The following RABEP1 variants were observed in gnomAD, a reference collection of about 807,000 sequenced individuals.
RABEP1 encodes rabaptin, RAB GTPase binding effector protein 1, also known as rab GTPase-binding effector protein 1.
Under a neutral mutation model 123.4 loss-of-function variants are expected in RABEP1, and 51 were observed. That is an observed-to-expected ratio of 0.41 (90% CI 0.33 to 0.52). RABEP1 has a LOEUF of 0.52. Among genes scored for constraint, RABEP1 ranks in the 20% least tolerant of loss-of-function variants. The pLI is 0.16. For missense variants in RABEP1, 888 were observed against 996.3 expected (o/e 0.89, Z 1.46); for synonymous variants, 347 against 355.2 (o/e 0.98, Z 0.26).
intron 1 of RABEP1, among the ~76,000 whole-genome samples, chr17:5,306,840 A>C (rs1178979423): frequency 6.6e-6 from 1 of 152,166 alleles, no homozygotes; most frequent in African/African-American, 2.4e-5. Context: ...GTTATAGTAA[A>C]ATGTTGTATA....
chr17:5,351,079 A>AC (rs1908505654), intron 7 of RABEP1, among the ~76,000 whole-genome samples: 1 of 152,154 alleles, frequency 6.6e-6, no homozygotes, highest in South Asian at 2.1e-4. Flanking sequence ...GCGTCAGTGT[A>AC]TTTTGTGTGT....
rs3744710 is a variant in RABEP1, at chr17:5,361,644, G to C, written c.1532G>C (p.Ser511Thr). ...TCCCCTAGTGGTTATCGTTTAGTTAGTGAAACAGAATGGAATCTCTTGCAG... is the reference window on the plus strand; with the variant it reads ...TCCCCTAGTGGTTATCGTTTAGTTACTGAAACAGAATGGAATCTCTTGCAG... ...YVSPSGYRLV[S>T]ETEWNLLQKE... Residue 511 changes from serine (S) to threonine (T), a missense_variant, in exon 9 of 18, where the codon AGT becomes ACT. Transcript: ENST00000537505. 3.7e-6 allele frequency: 6 copies of C among 1,609,268 alleles called. No individual in the cohort carries two copies. In the East Asian group the frequency reaches 1.3e-4, roughly 36 times the overall value.
At chr17:5,344,319 TC>T (rs138104830) in intron 5 of RABEP1, among the ~76,000 whole-genome samples, 38,071 of 151,704 alleles carry the variant, frequency 0.25, 5,043 homozygotes, top group African/African-American at 0.32. Context: ...ACGCCTATAA[TC>T]CCAGCTACTT....
chr17:5,382,519 T>C (rs1472270714), intron 17 of RABEP1, among the ~76,000 whole-genome samples: 3 of 150,404 alleles, frequency 2.0e-5, no homozygotes, highest in African/African-American at 7.3e-5. Flanking sequence ...GAGGCTGACA[T>C]GGATGGATTA....
intron 2 of RABEP1, among the ~76,000 whole-genome samples, chr17:5,331,135 C>G (rs533120541): frequency 2.8e-4 from 40 of 140,482 alleles, no homozygotes; most frequent in African/African-American, 1.0e-3. Context: ...AATGCTCTTA[C>G]AGATCAGAAG....
At chr17:5,376,406 A>G (rs1308106736) in intron 13 of RABEP1, among the ~76,000 whole-genome samples, 1 of 152,226 alleles carries the variant, frequency 6.6e-6, no homozygotes, top group Non-Finnish European at 1.5e-5. Flanking sequence ...GACCTGCTTC[A>G]GCAATAAATC....
chr17:5,381,299 G>A, intron 16 of RABEP1, 90 bp from the exon 17 acceptor site: 1 of 1,540,898 alleles, frequency 6.5e-7, no homozygotes, highest in South Asian at 1.3e-5. Context: ...CCACCTTTCT[G>A]CCCTAGTAGT....
rs1169824542 is a variant in RABEP1 at position 5,381,101 on chromosome 17, GT to G, written c.2371-284del. On this transcript the variant is annotated intron_variant, in intron 16 of 17. Transcript: ENST00000537505. ...GTGACAGACACCGATCTTAGCAGCT[GT>G]TTTGGTGATTATCGTCACTGTCACC... is the stretch of plus-strand genomic sequence containing the variant. 3.9e-5 allele frequency among the ~76,000 whole-genome samples: 6 copies of G among 152,272 alleles called. No homozygotes were observed. In the East Asian group the frequency reaches 1.2e-3, roughly 29 times the overall value.
intron 2 of RABEP1, among the ~76,000 whole-genome samples, chr17:5,312,553 A>T (rs1473624893): frequency 6.6e-6 from 1 of 152,146 alleles, no homozygotes; most frequent in Non-Finnish European, 1.5e-5. Flanking sequence ...CTTGGAAAGG[A>T]TTACTGACTG....
intron 12 of RABEP1, chr17:5,371,750 C>G (rs1011947085): frequency 2.6e-5 from 4 of 152,230 alleles, no homozygotes; most frequent in Non-Finnish European, 5.9e-5. Flanking sequence ...TTAGGTACCC[C>G]TTTGTCCTTT....
intron 2 of RABEP1, among the ~76,000 whole-genome samples, chr17:5,323,112 G>T (rs1905548143): frequency 6.6e-6 from 1 of 152,070 alleles, no homozygotes; most frequent in Admixed American, 6.6e-5. Flanking sequence ...AAACTGTATG[G>T]TTATATCAAT....
At chr17:5,293,014 G>A (rs1376091803) in intron 1 of RABEP1, among the ~76,000 whole-genome samples, 1 of 152,146 alleles carries the variant, frequency 6.6e-6, no homozygotes, top group Non-Finnish European at 1.5e-5. Flanking sequence ...TATTGGCCAG[G>A]TGTGGTGGCT....
intron 6 of RABEP1, among the ~76,000 whole-genome samples, chr17:5,347,555 A>C (rs1908176125): frequency 6.6e-6 from 1 of 152,178 alleles, no homozygotes; most frequent in Non-Finnish European, 1.5e-5. Flanking sequence ...GTGTATTAGC[A>C]AAAGTGAAAA....
intron 1 of RABEP1, among the ~76,000 whole-genome samples, chr17:5,294,315 C>CGGA (rs2075060081): frequency 6.6e-6 from 1 of 152,058 alleles, no homozygotes; most frequent in African/African-American, 2.4e-5. Flanking sequence ...ACCCGGGAGG[C>CGGA]GGAGGTTGCA....
intron 13 of RABEP1, among the ~76,000 whole-genome samples, chr17:5,375,665 C>T (rs1307321831): frequency 4.0e-5 from 6 of 151,880 alleles, no homozygotes; most frequent in African/African-American, 1.5e-4. Context: ...GAGATCGCGC[C>T]ACTGCCCTCC....
intron 1 of RABEP1, among the ~76,000 whole-genome samples, chr17:5,295,603 A>C (rs1158052168): frequency 6.6e-6 from 1 of 152,120 alleles, no homozygotes; most frequent in Non-Finnish European, 1.5e-5. Context: ...GTTTACATAC[A>C]TTTAAAATTT....
At position 5,361,212 on chromosome 17, in the gene RABEP1, A is replaced by G. The variant is rs371040739; in HGVS notation, c.1100A>G (p.His367Arg). Residue 367 changes from histidine to arginine, a missense_variant, in exon 9 of 18, where the codon CAT (histidine) becomes CGT (arginine). Coordinates refer to ENST00000537505, the MANE Select transcript of RABEP1 (RefSeq NM_004703.6). The part of the protein sequence containing the change: ...SSAQLSNEEE[H>R]LDSTRGSVHS... ...ATATGTATTTTCACATTTCAGGAGC[A>G]TTTAGACAGCACCCGTGGCTCAGTT... is the stretch of plus-strand genomic sequence containing the variant. The G allele has an allele frequency of 4.3e-6, 7 of 1,612,794 alleles. No homozygotes were observed. The highest frequency in any genetic ancestry group is 5.9e-6 in the Non-Finnish European group (7 of 1,179,228).
At chr17:5,332,949 C>T (rs1201178468) in intron 3 of RABEP1, among the ~76,000 whole-genome samples, 1 of 151,878 alleles carries the variant, frequency 6.6e-6, no homozygotes, top group Non-Finnish European at 1.5e-5. Context: ...GTGAAATCTT[C>T]ACTGCACTCT....
chr17:5,368,305 T>G lies in RABEP1; in HGVS notation c.1786-65T>G, dbSNP rs1352434972. Reference sequence around the variant, plus strand: ...TTCCAGACACTAAATAGTTAGAAGATGGAAGAGTTAGTTTCAGAATAACCG... The same window carrying G: ...TTCCAGACACTAAATAGTTAGAAGAGGGAAGAGTTAGTTTCAGAATAACCG... On this transcript the variant is annotated intron_variant, in intron 11 of 17. Transcript: ENST00000537505. 5.4e-6 allele frequency: 6 copies of G among 1,108,612 alleles called. No individual in the cohort carries two copies. In the Admixed American group the frequency reaches 1.2e-4, roughly 22 times the overall value. The allele number at this position is 1,108,612 out of a possible 1,614,324, so 68.7% of individuals were successfully genotyped here.
Sources: allele counts gnomAD v4.1 joint callset (sites outside exome capture counted in the v4.1 genomes callset), GRCh38; gene constraint gnomAD v4.1.1; transcripts MANE v1.5; gene names NCBI Gene and HGNC (gene_info 2026-07-23, HGNC 2026-07-21).